MRTFB: variants seen among roughly 807,000 people sequenced by gnomAD.
MRTFB encodes the protein myocardin related transcription factor B.
Under a neutral mutation model 104.2 loss-of-function variants are expected in MRTFB, and 29 were observed. The observed-to-expected ratio is 0.28, with a 90% confidence interval of 0.21 to 0.38. MRTFB has a LOEUF of 0.38. MRTFB is among the 10% of genes least tolerant of loss of function. The pLI, the probability that MRTFB is intolerant of heterozygous loss-of-function variation, is 1.00. For synonymous variants in MRTFB, 535 were observed against 519.5 expected, an observed-to-expected ratio of 1.03 and a Z score of -0.41; for missense variants, 1,270 against 1,341.6, an observed-to-expected ratio of 0.95 and a Z score of 0.83.
intron 5 of MRTFB, among the ~76,000 whole-genome samples, chr16:14,212,892 G>A (rs1406165850): frequency 6.6e-6 from 1 of 152,056 alleles, no homozygotes; most frequent in Non-Finnish European, 1.5e-5. Context: ...CTTTAAGATG[G>A]CACCATCATA....
the MRTFB span, among the ~76,000 whole-genome samples, chr16:14,066,134 A>G: frequency 1.7e-4 from 26 of 152,316 alleles, no homozygotes; most frequent in Non-Finnish European, 2.9e-4. Context: ...TATTGAATGA[A>G]TGTGCATAAA....
At chr16:14,157,450 C>T (rs967377827) in intron 3 of MRTFB, among the ~76,000 whole-genome samples, 1 of 152,324 alleles carries the variant, frequency 6.6e-6, no homozygotes. Flanking sequence ...AAAGTCTGTA[C>T]TCCCTACTTT....
chr16:14,155,316 C>CT (rs914322380), intron 3 of MRTFB, among the ~76,000 whole-genome samples: 4 of 151,502 alleles, frequency 2.6e-5, no homozygotes, highest in African/African-American at 9.7e-5. Context: ...TTATTTTGTT[C>CT]TTTTTTTACT....
chr16:14,073,024 G>C (rs2141770909), intron 1 of MRTFB, among the ~76,000 whole-genome samples: 1 of 152,256 alleles, frequency 6.6e-6, no homozygotes, highest in Middle Eastern at 3.4e-3. Context: ...TCAGTATTCT[G>C]ATACTACAAT....
chr16:14,232,690 C>T (rs2042318974), intron 8 of MRTFB, among the ~76,000 whole-genome samples: 1 of 152,204 alleles, frequency 6.6e-6, no homozygotes, highest in Admixed American at 6.5e-5. Flanking sequence ...CACCCACGGT[C>T]TCAGCGGGGC....
intron 10 of MRTFB, 30 bp downstream of exon 10, chr16:14,240,514 C>G: frequency 6.2e-7 from 1 of 1,614,126 alleles, no homozygotes; most frequent in Admixed American, 1.7e-5. Context: ...ATCCTCAACG[C>G]GGGGTTTTCT....
At chr16:14,142,860 C>T (rs1432729867) in intron 3 of MRTFB, 1 of 152,078 alleles carries the variant, frequency 6.6e-6, no homozygotes, top group Admixed American at 6.5e-5. Context: ...ATAAAGCAGT[C>T]TCCCCTTATA....
intron 3 of MRTFB, among the ~76,000 whole-genome samples, chr16:14,169,148 G>A (rs910079049): frequency 2.3e-4 from 35 of 151,950 alleles, no homozygotes; most frequent in African/African-American, 7.7e-4. Context: ...GTTTTATCTC[G>A]TGTACTCTTA....
intron 2 of MRTFB, among the ~76,000 whole-genome samples, chr16:14,113,112 C>T (rs1463682146): frequency 5.9e-5 from 9 of 152,252 alleles, no homozygotes; most frequent in South Asian, 2.1e-4. Context: ...GGCGTGATCT[C>T]GGCTCACTGC....
At chr16:14,058,720 T>G in the MRTFB span, among the ~76,000 whole-genome samples, 118 of 138,334 alleles carry the variant, frequency 8.5e-4, no homozygotes, top group African/African-American at 2.7e-3. Context: ...TTGTTTTTTT[T>G]TTTTTTTTTT....
chr16:14,238,510 G>C (rs1258170886), intron 9 of MRTFB, among the ~76,000 whole-genome samples: 1 of 152,184 alleles, frequency 6.6e-6, no homozygotes, highest in East Asian at 1.9e-4. Context: ...AGATTGGGAT[G>C]CTGGGAAGCG....
At chr16:14,054,318 G>GC in the MRTFB span, among the ~76,000 whole-genome samples, 1 of 152,262 alleles carries the variant, frequency 6.6e-6, no homozygotes, top group East Asian at 1.9e-4. Flanking sequence ...CTGGGTTCAA[G>GC]CAATTCTCCT....
chr16:14,156,616 G>T (rs1340704350), intron 3 of MRTFB, among the ~76,000 whole-genome samples: 2 of 152,172 alleles, frequency 1.3e-5, no homozygotes, highest in East Asian at 3.8e-4. Flanking sequence ...GGTTCAAGAA[G>T]TCATCTCTTT....
intron 3 of MRTFB, among the ~76,000 whole-genome samples, chr16:14,185,064 A>G (rs1798745810): frequency 6.6e-6 from 1 of 152,252 alleles, no homozygotes; most frequent in Admixed American, 6.5e-5. Context: ...GTGCATGAGT[A>G]GTTTCTTCAG....
chr16:14,052,064 C>T, the MRTFB span, among the ~76,000 whole-genome samples: 3 of 152,080 alleles, frequency 2.0e-5, no homozygotes, highest in Non-Finnish European at 4.4e-5. Context: ...ATGTGAAGCG[C>T]GCCACCCACC....
intron 2 of MRTFB, among the ~76,000 whole-genome samples, chr16:14,137,987 G>A (rs1231104366): frequency 6.6e-6 from 1 of 151,798 alleles, no homozygotes; most frequent in Non-Finnish European, 1.5e-5. Context: ...TGGATTAATT[G>A]GGTATTTTTA....
In MRTFB at chr16:14,085,457, CA is replaced by C. The variant is rs386384321; in HGVS notation, c.-64+6121del. ...GGGCAATAAGAGTGAAATTCCATCTCAAAAAAAAAAAAAAAAAAGCGAAAAG... is the reference window on the plus strand; with the variant it reads ...GGGCAATAAGAGTGAAATTCCATCTCAAAAAAAAAAAAAAAAAGCGAAAAG... On this transcript the variant is annotated intron_variant, in intron 2 of 16. Coordinates refer to ENST00000571589, the MANE Select transcript of MRTFB (RefSeq NM_001308142.2). 5.7e-3 allele frequency among the ~76,000 whole-genome samples: 353 copies of C among 61,862 alleles called. 1 individual carries two copies. The East Asian group carries it at 0.065, about 11-fold the overall frequency. The allele number at this position is 61,862 out of a possible 152,430, so 40.6% of individuals were successfully genotyped here.
At chr16:14,255,158 T>C (rs1401783847) in intron 15 of MRTFB, among the ~76,000 whole-genome samples, 3 of 152,228 alleles carry the variant, frequency 2.0e-5, no homozygotes, top group Admixed American at 6.5e-5. Flanking sequence ...AATCCTGTTA[T>C]ATAATTCAAA....
intron 8 of MRTFB, among the ~76,000 whole-genome samples, chr16:14,228,050 T>TAATC (rs1442062688): frequency 6.6e-6 from 1 of 151,872 alleles, no homozygotes; most frequent in African/African-American, 2.4e-5. Flanking sequence ...TGGATATCAC[T>TAATC]AATCATTAAG....
Sources: allele counts gnomAD v4.1 joint callset (sites outside exome capture counted in the v4.1 genomes callset), GRCh38; gene constraint gnomAD v4.1.1; transcripts MANE v1.5; gene names NCBI Gene and HGNC (gene_info 2026-07-23, HGNC 2026-07-21).